NDRG2: variants seen among roughly 807,000 people sequenced by gnomAD.
The protein encoded by NDRG2 is NDRG family member 2, also known as protein NDRG2.
NDRG2 carries 34 observed loss-of-function variants against 58.2 expected under a neutral mutation model. The ratio of observed to expected loss-of-function variants is 0.58; its 90% CI spans 0.44 to 0.78. The LOEUF (loss-of-function observed/expected upper bound fraction) is 0.78, where lower values mean the gene tolerates loss of function less well. Among genes scored for constraint, NDRG2 ranks in the 30% least tolerant of loss-of-function variants. NDRG2 has a pLI of 0.00. For synonymous variants in NDRG2, 187 were observed against 175.9 expected, an observed-to-expected ratio of 1.06 and a Z score of -0.50; for missense variants, 434 against 471.2, an observed-to-expected ratio of 0.92 and a Z score of 0.73.
chr14:21,057,966 T>G (rs1885754782), intron 1 of NDRG2: 1 of 1,614,004 alleles, frequency 6.2e-7, no homozygotes, highest in Non-Finnish European at 8.5e-7. Context: ...GAGGTCCTAG[T>G]CAGAGCCAAG....
chr14:21,019,087 A>G lies in NDRG2; in HGVS notation c.761+29T>C, dbSNP rs536715547. The G allele has an allele frequency of 1.4e-4, 221 of 1,582,188 alleles. 6 individuals carry two copies. In the South Asian group the frequency reaches 2.5e-3, roughly 18 times the overall value. On this transcript the variant is annotated intron_variant, in intron 11 of 15. Coordinates refer to ENST00000556147, the MANE Select transcript of NDRG2 (RefSeq NM_001320329.2). ...GCTCCTAGGGAAGATCCAGGGAGAC[A>G]GGCAATGCATTATCTCTTAAAGTCT... is the stretch of plus-strand genomic sequence containing the variant.
chr14:21,060,302 C>T (rs939405420), intron 1 of NDRG2, among the ~76,000 whole-genome samples: 5 of 152,090 alleles, frequency 3.3e-5, no homozygotes, highest in African/African-American at 9.7e-5. Context: ...CGTAGTTTCC[C>T]CCACAGCCTC....
intron 1 of NDRG2, among the ~76,000 whole-genome samples, chr14:21,045,981 A>G (rs1885125459): frequency 6.6e-6 from 1 of 152,196 alleles, no homozygotes; most frequent in Non-Finnish European, 1.5e-5. Context: ...GGTGGTCATA[A>G]AAATAAATAA....
chr14:21,057,959 G>A (rs1440228935), intron 1 of NDRG2: 2 of 1,613,984 alleles, frequency 1.2e-6, no homozygotes, highest in Non-Finnish European at 1.7e-6. Context: ...GGTGGCAGAG[G>A]TCCTAGTCAG....
chr14:21,034,012 A>G (rs1884438938), intron 1 of NDRG2: 3 of 1,614,158 alleles, frequency 1.9e-6, no homozygotes, highest in Non-Finnish European at 2.5e-6. Flanking sequence ...TAATTCTCAC[A>G]GAAGCTGTCA....
chr14:21,027,395 A>T (rs796223629), upstream of NDRG2, among the ~76,000 whole-genome samples: 1 of 152,216 alleles, frequency 6.6e-6, no homozygotes, highest in African/African-American at 2.4e-5. Flanking sequence ...ATCTGGTCAC[A>T]CCCTCTCTAG....
In NDRG2 at chr14:21,021,888, G is replaced by A. The variant is rs979905457; in HGVS notation, c.345-9C>T. On this transcript the variant is annotated splice_polypyrimidine_tract_variant and intron_variant, in intron 5 of 15. Transcript: ENST00000556147. ...GAGATGGGTACTGATATCTGGAAAA[G>A]AGAGGCATGTTAAGGAAGATACCAA... 6.2e-7 allele frequency: 1 copy of A among 1,612,794 alleles called. No homozygotes were observed. Among genetic ancestry groups the A allele is most frequent in the Non-Finnish European group, 8.5e-7 (1 of 1,179,394 alleles).
chr14:21,039,066 C>T (rs527833585), intron 1 of NDRG2, among the ~76,000 whole-genome samples: 1 of 152,354 alleles, frequency 6.6e-6, no homozygotes, highest in Non-Finnish European at 1.5e-5. Flanking sequence ...CTCTCACGGG[C>T]TTTCCATTGG....
chr14:21,028,168 T>C (rs910513647), upstream of NDRG2, among the ~76,000 whole-genome samples: 4 of 152,168 alleles, frequency 2.6e-5, no homozygotes, highest in African/African-American at 9.7e-5. Flanking sequence ...GCCTGTCAAG[T>C]GTATAGCAAT....
chr14:21,053,341 A>G, intron 1 of NDRG2, among the ~76,000 whole-genome samples: 1 of 152,072 alleles, frequency 6.6e-6, no homozygotes, highest in East Asian at 1.9e-4. Context: ...AATTAGCCGC[A>G]CTTTGGCCGG....
At chr14:21,056,866 C>G (rs1885697478) in intron 1 of NDRG2, among the ~76,000 whole-genome samples, 1 of 152,198 alleles carries the variant, frequency 6.6e-6, no homozygotes, top group Non-Finnish European at 1.5e-5. Flanking sequence ...ACTCTAAGGT[C>G]CCTTCCAGCC....
rs1397855261 is a variant in NDRG2 at position 21,068,192 on chromosome 14, G to A, written c.24+2636C>T. Among the ~76,000 whole-genome samples the A allele has an allele frequency of 8.3e-5, 2 of 24,184 alleles. 1 individual carries two copies. Among genetic ancestry groups the A allele is most frequent in the Non-Finnish European group, 3.0e-4 (2 of 6,678 alleles). The allele number at this position is 24,184 out of a possible 152,430, so 15.9% of individuals were successfully genotyped here. On this transcript the variant is annotated intron_variant, in intron 1 of 14. Coordinates refer to the NDRG2 transcript ENST00000403829. ...TTTTTTGTATTTTTAGTAGAGACGG[G>A]GTTTCACCGTGTTAGCCAGGATGGT...
intron 1 of NDRG2, among the ~76,000 whole-genome samples, chr14:21,061,450 T>C (rs1885956674): frequency 6.6e-6 from 1 of 152,138 alleles, no homozygotes; most frequent in Non-Finnish European, 1.5e-5. Context: ...CTAGGGGTCA[T>C]GGGCTGTAAA....
At chr14:21,018,952 A>G in intron 11 of NDRG2, 138 bp from the exon 12 acceptor site, 1 of 1,277,250 alleles carries the variant, frequency 7.8e-7, no homozygotes, top group Non-Finnish European at 1.1e-6. Flanking sequence ...TGCCACCAAG[A>G]GGATTCAAAG....
intron 1 of NDRG2, 153 bp from the exon 2 acceptor site, chr14:21,023,474 C>G: frequency 3.1e-6 from 2 of 639,102 alleles, no homozygotes; most frequent in Non-Finnish European, 5.5e-6. Flanking sequence ...GCCTTTCCTG[C>G]CCCCAGCTCC....
rs532667571 is a variant in NDRG2 at position 21,043,704 on chromosome 14, G to A, written c.25-20383C>T. On this transcript the variant is annotated intron_variant, in intron 1 of 14. Transcript: ENST00000403829. ...AAGAAACAGCAAGCTCAGGTCTGTG[G>A]GTTCCCTGGTCTATGCCATTGCACA... is the stretch of plus-strand genomic sequence containing the variant. 19 of 487,294 alleles carry A rather than the reference G, an allele frequency of 3.9e-5. No individual in the cohort carries two copies. The South Asian group carries it at 5.8e-4, about 15-fold the overall frequency. 30.2% of individuals were successfully genotyped at this position (487,294 alleles called of 1,614,324 possible). A position where few individuals can be genotyped will look rare whatever the true frequency, so the allele number is the denominator to read the frequency against.
intron 1 of NDRG2, among the ~76,000 whole-genome samples, chr14:21,054,478 C>A (rs1392530373): frequency 6.6e-6 from 1 of 152,160 alleles, no homozygotes; most frequent in African/African-American, 2.4e-5. Context: ...GGCTCATCTC[C>A]ATACCAGTGC....
rs201832928 is a variant in NDRG2, at chr14:21,022,189, A to C, written c.224-7T>G. The C allele has an allele frequency of 4.1e-5, 66 of 1,614,098 alleles. No homozygotes were observed. The highest frequency in any genetic ancestry group is 5.3e-5 in the Non-Finnish European group (62 of 1,180,052). Reference sequence around the variant, plus strand: ...GGCTGGAAGCAAGATTTATCTAAAGAGAACCCACATCACCTCAACAATAGA... The same window carrying C: ...GGCTGGAAGCAAGATTTATCTAAAGCGAACCCACATCACCTCAACAATAGA... On this transcript the variant is annotated splice_region_variant and splice_polypyrimidine_tract_variant and intron_variant, in intron 4 of 15. Coordinates refer to ENST00000556147, the MANE Select transcript of NDRG2 (RefSeq NM_001320329.2).
At chr14:21,035,669 A>T (rs1884577238) in intron 1 of NDRG2, 2 of 425,826 alleles carry the variant, frequency 4.7e-6, no homozygotes. Context: ...AAGGCCGCAG[A>T]GAGAAAGATT....
Sources: allele counts gnomAD v4.1 joint callset (sites outside exome capture counted in the v4.1 genomes callset), GRCh38; gene constraint gnomAD v4.1.1; transcripts MANE v1.5; gene names NCBI Gene and HGNC (gene_info 2026-07-23, HGNC 2026-07-21).